DCAF12: variants seen among roughly 807,000 people sequenced by gnomAD.
DCAF12 encodes the protein DDB1- and CUL4-associated factor 12.
DCAF12 carries 28 observed loss-of-function variants against 52.8 expected under a neutral mutation model. The ratio of observed to expected loss-of-function variants is 0.53; its 90% CI spans 0.39 to 0.73. The LOEUF (loss-of-function observed/expected upper bound fraction) is 0.73. Among genes scored for constraint, DCAF12 ranks in the 30% least tolerant of loss-of-function variants. The probability of loss-of-function intolerance (pLI) is 0.00; values close to 1 mark genes in which losing one functional copy is unlikely to be tolerated. For missense variants in DCAF12, 425 were observed against 552.2 expected, an observed-to-expected ratio of 0.77 and a Z score of 2.31; for synonymous variants, 196 against 215.5, an observed-to-expected ratio of 0.91 and a Z score of 0.79.
intron 6 of DCAF12, 125 bp downstream of exon 6, chr9:34,096,590 CG>C: frequency 1.1e-6 from 1 of 882,798 alleles, no homozygotes; most frequent in Admixed American, 2.5e-5. Flanking sequence ...GGCATCAGAG[CG>C]AGACTCTGCC....
chr9:34,109,739 C>T, intron 2 of DCAF12: 1 of 271,218 alleles, frequency 3.7e-6, no homozygotes, highest in South Asian at 4.4e-5. Flanking sequence ...ATTGAGCTGG[C>T]CCTGGAAGCT....
chr9:34,103,070 G>A (rs1001649657), intron 4 of DCAF12, among the ~76,000 whole-genome samples: 3 of 132,692 alleles, frequency 2.3e-5, no homozygotes, highest in African/African-American at 8.7e-5. Context: ...ATTCCATCCT[G>A]GGTGACAGGG....
intron 2 of DCAF12, among the ~76,000 whole-genome samples, chr9:34,118,689 C>T (rs1025778305): frequency 1.3e-5 from 2 of 152,068 alleles, no homozygotes; most frequent in South Asian, 2.1e-4. Flanking sequence ...TATGGCCGGG[C>T]GTGGTGGGTC....
Position 34,088,126 on chromosome 9 carries a change from TAAA to T in DCAF12, c.*221_*223del, listed in dbSNP as rs764922147. Reference sequence around the variant, plus strand: ...TGTTTGGTTGAAAAGCCAGAAATAATAAAAGATAGTAAAATTTTGATTACCAAA... The same window carrying T: ...TGTTTGGTTGAAAAGCCAGAAATAATAGATAGTAAAATTTTGATTACCAAA... On this transcript the variant is annotated 3_prime_UTR_variant, in exon 9 of 9. Transcript: ENST00000361264. The T allele has an allele frequency of 2.1e-4, 80 of 388,884 alleles. 1 individual carries two copies. Among genetic ancestry groups the T allele is most frequent in the Non-Finnish European group, 3.4e-4 (76 of 222,214 alleles). 24.1% of individuals were successfully genotyped at this position (388,884 alleles called of 1,614,324 possible).
intron 4 of DCAF12, among the ~76,000 whole-genome samples, chr9:34,103,953 A>G (rs766482206): frequency 1.1e-4 from 17 of 152,258 alleles, no homozygotes; most frequent in African/African-American, 4.1e-4. Context: ...CCACACTGCT[A>G]ATCTCCTGAA....
chr9:34,088,494 G>C lies in DCAF12; in HGVS notation c.1218C>G (p.Thr406=), dbSNP rs1187890642. 1 of 1,614,048 alleles carries C rather than the reference G, an allele frequency of 6.2e-7. No individual in the cohort carries two copies. The highest frequency in any genetic ancestry group is 8.5e-7 in the Non-Finnish European group (1 of 1,180,032). ...TGKGWLNHDE[T]WRNYFSDIDF... ...CAATGTCTGAAAAGTAATTCCTCCA[G>C]GTTTCATCATGATTCTACGGGAAGA... Residue 406 remains threonine (T), a synonymous_variant, in exon 9 of 9, where the codon ACC becomes ACG. Coordinates refer to ENST00000361264, the MANE Select transcript of DCAF12 (RefSeq NM_015397.4).
chr9:34,109,805 A>T, intron 2 of DCAF12: 1 of 346,604 alleles, frequency 2.9e-6, no homozygotes. Flanking sequence ...AGGACACCAT[A>T]GGTGGGTGTG....
At chr9:34,123,446 C>A (rs1829204458) in intron 2 of DCAF12, among the ~76,000 whole-genome samples, 1 of 152,126 alleles carries the variant, frequency 6.6e-6, no homozygotes, top group African/African-American at 2.4e-5. Context: ...AACAAAAGCA[C>A]AAATAAGGGA....
chr9:34,126,219 T>C (rs186014914), intron 1 of DCAF12, 135 bp downstream of exon 1: 352 of 1,118,352 alleles, frequency 3.1e-4, no homozygotes, highest in Non-Finnish European at 4.4e-4. Context: ...CCTGACCCTA[T>C]AGGCCCTGAA....
intron 4 of DCAF12, among the ~76,000 whole-genome samples, chr9:34,105,602 T>C (rs983339122): frequency 3.9e-5 from 6 of 152,132 alleles, no homozygotes; most frequent in Non-Finnish European, 8.8e-5. Flanking sequence ...GCTAGGATCA[T>C]GCCACTGCAC....
In DCAF12 at chr9:34,108,808, A is replaced by ATAT. The variant is rs1554700892; in HGVS notation, c.334-1244_334-1243insATA. ...GACTTGGTCTCAAAAAAAATAAATA[A>ATAT]ATAAATATATATATATATATATGAA... On this transcript the variant is annotated intron_variant, in intron 2 of 8. Transcript: ENST00000361264. Among the ~76,000 whole-genome samples, 172 of 115,354 alleles carry ATAT rather than the reference A, an allele frequency of 1.5e-3. 1 individual carries two copies. The highest frequency in any genetic ancestry group is 1.4e-3 in the Admixed American group (15 of 10,912). 75.7% of individuals were successfully genotyped at this position (115,354 alleles called of 152,430 possible). A position where few individuals can be genotyped will look rare whatever the true frequency, so the allele number is the denominator to read the frequency against.
intron 7 of DCAF12, among the ~76,000 whole-genome samples, chr9:34,091,660 A>AC (rs1360505296): frequency 6.6e-6 from 1 of 151,034 alleles, no homozygotes; most frequent in African/African-American, 2.4e-5. Context: ...AAAAAAAAAA[A>AC]ACCACAAAAA....
chr9:34,104,492 A>G (rs866554482), intron 4 of DCAF12, among the ~76,000 whole-genome samples: 1 of 152,200 alleles, frequency 6.6e-6, no homozygotes, highest in Non-Finnish European at 1.5e-5. Context: ...CATCTTACAG[A>G]TACTAGAAAG....
At chr9:34,124,041 C>T (rs1829211762) in intron 2 of DCAF12, among the ~76,000 whole-genome samples, 1 of 152,196 alleles carries the variant, frequency 6.6e-6, no homozygotes, top group Non-Finnish European at 1.5e-5. Flanking sequence ...AGACCAACCA[C>T]CATGGTATTA....
intron 1 of DCAF12, among the ~76,000 whole-genome samples, chr9:34,125,959 C>T (rs1310696117): frequency 6.6e-6 from 1 of 152,170 alleles, no homozygotes; most frequent in Non-Finnish European, 1.5e-5. Context: ...AGGGAGACTA[C>T]TTCCTTCTTC....
chr9:34,116,934 G>A (rs1267178008), intron 2 of DCAF12, among the ~76,000 whole-genome samples: 2 of 152,166 alleles, frequency 1.3e-5, no homozygotes, highest in Admixed American at 6.5e-5. Flanking sequence ...AGCCGAGATC[G>A]TGCCCCTACA....
Position 34,088,341 on chromosome 9 carries a change from G to A in DCAF12, c.*9C>T. On this transcript the variant is annotated 3_prime_UTR_variant, in exon 9 of 9. Coordinates refer to ENST00000361264, the MANE Select transcript of DCAF12 (RefSeq NM_015397.4). ...GTTAGTGTAAATCTCTGCATTTGGG[G>A]AGTTGTCATTAACTCCAGAGCCCAG... 1 of 1,542,448 alleles carries A rather than the reference G, an allele frequency of 6.5e-7. No homozygotes were observed. Among genetic ancestry groups the A allele is most frequent in the African/African-American group, 1.4e-5 (1 of 71,682 alleles).
intron 2 of DCAF12, among the ~76,000 whole-genome samples, chr9:34,110,629 CGAGA>C (rs1038439811): frequency 3.9e-5 from 6 of 152,046 alleles, no homozygotes; most frequent in Non-Finnish European, 7.4e-5. Flanking sequence ...TTTGGAAGGC[CGAGA>C]AAGAAGTATT....
chr9:34,090,576 T>C (rs1034891572), intron 7 of DCAF12, among the ~76,000 whole-genome samples: 1 of 152,178 alleles, frequency 6.6e-6, no homozygotes. Flanking sequence ...AGTATTTCCT[T>C]ATTAGGTATG....
Sources: allele counts gnomAD v4.1 joint callset (sites outside exome capture counted in the v4.1 genomes callset), GRCh38; gene constraint gnomAD v4.1.1; transcripts MANE v1.5; gene names NCBI Gene and HGNC (gene_info 2026-07-23, HGNC 2026-07-21).